DACH1: variants seen among roughly 807,000 people sequenced by gnomAD.
The protein encoded by DACH1 is dachshund homolog 1.
Under a neutral mutation model 54.2 loss-of-function variants are expected in DACH1, and 12 were observed. That is an observed-to-expected ratio of 0.22 (90% CI 0.14 to 0.36). DACH1 has a LOEUF of 0.36. Ranked by LOEUF, DACH1 falls within the 10% of genes least tolerant of loss-of-function variation. The pLI, the probability that DACH1 is intolerant of heterozygous loss-of-function variation, is 1.00. For missense variants in DACH1, 805 were observed against 929.8 expected, an observed-to-expected ratio of 0.87 and a Z score of 1.75; for synonymous variants, 386 against 366.2, an observed-to-expected ratio of 1.05 and a Z score of -0.62.
chr13:71,458,377 A>C (rs1316648623), intron 10 of DACH1, among the ~76,000 whole-genome samples: 1 of 151,960 alleles, frequency 6.6e-6, no homozygotes, highest in Admixed American at 6.6e-5. Context: ...ATAAATCTTC[A>C]TCAATCAGCC....
intron 6 of DACH1, among the ~76,000 whole-genome samples, chr13:71,524,597 T>C (rs1881827306): frequency 6.6e-6 from 1 of 152,130 alleles, no homozygotes; most frequent in Admixed American, 6.6e-5. Context: ...TTAATAAATA[T>C]AGTTTGTAGA....
At chr13:71,524,294 T>C (rs911489564) in intron 6 of DACH1, among the ~76,000 whole-genome samples, 1 of 152,162 alleles carries the variant, frequency 6.6e-6, no homozygotes, top group African/African-American at 2.4e-5. Context: ...TGCTACATTA[T>C]CATGTCAACA....
intron 6 of DACH1, among the ~76,000 whole-genome samples, chr13:71,500,413 T>C (rs1879811118): frequency 6.6e-6 from 1 of 152,176 alleles, no homozygotes; most frequent in Admixed American, 6.5e-5. Context: ...AAAATGAGTG[T>C]CATTGCTATG....
intron 2 of DACH1, among the ~76,000 whole-genome samples, chr13:71,650,738 T>G (rs535221180): frequency 6.6e-6 from 1 of 152,300 alleles, no homozygotes; most frequent in East Asian, 1.9e-4. Flanking sequence ...GGATAAAAGT[T>G]GACAACTACA....
chr13:71,824,435 C>T (rs1229418277), intron 1 of DACH1, among the ~76,000 whole-genome samples: 3 of 151,834 alleles, frequency 2.0e-5, no homozygotes, highest in African/African-American at 7.3e-5. Flanking sequence ...CTGAATGTCA[C>T]ATAAACATGA....
At chr13:71,840,098 C>T (rs111973569) in intron 1 of DACH1, among the ~76,000 whole-genome samples, 62 of 152,158 alleles carry the variant, frequency 4.1e-4, no homozygotes, top group African/African-American at 1.4e-3. Context: ...AGGTGCGCAC[C>T]ACCACACCCA....
chr13:71,476,556 C>T (rs1877536646), intron 8 of DACH1, among the ~76,000 whole-genome samples: 1 of 152,002 alleles, frequency 6.6e-6, no homozygotes, highest in East Asian at 1.9e-4. Flanking sequence ...CTGCAGAAAT[C>T]TGAGGCAGTA....
At chr13:71,789,243 A>C (rs887706145) in intron 1 of DACH1, among the ~76,000 whole-genome samples, 1 of 152,148 alleles carries the variant, frequency 6.6e-6, no homozygotes, top group African/African-American at 2.4e-5. Context: ...AAGAAACTAG[A>C]AGATTTAATA....
intron 1 of DACH1, among the ~76,000 whole-genome samples, chr13:71,825,203 A>G (rs1888333159): frequency 6.6e-6 from 1 of 152,062 alleles, no homozygotes. Flanking sequence ...TAGTCCTCAT[A>G]TTTTACTTAA....
chr13:71,671,664 G>A (rs1023341906), intron 2 of DACH1, among the ~76,000 whole-genome samples: 6 of 152,018 alleles, frequency 3.9e-5, no homozygotes, highest in Non-Finnish European at 5.9e-5. Flanking sequence ...GATGGTTAGC[G>A]AGGGAGAATA....
At chr13:71,852,378 T>TC (rs1035419181) in intron 1 of DACH1, among the ~76,000 whole-genome samples, 5 of 150,756 alleles carry the variant, frequency 3.3e-5, no homozygotes, top group African/African-American at 1.2e-4. Context: ...TTTTTTTTTT[T>TC]CCTAATCAGA....
At chr13:71,631,927 CCT>C (rs1469150729) in intron 2 of DACH1, among the ~76,000 whole-genome samples, 1 of 151,900 alleles carries the variant, frequency 6.6e-6, no homozygotes, top group African/African-American at 2.4e-5. Context: ...GATAAAACCC[CCT>C]CTCTACAAAA....
intron 1 of DACH1, among the ~76,000 whole-genome samples, chr13:71,742,142 G>A (rs139937556): frequency 0.015 from 2,274 of 152,080 alleles, 47 homozygotes; most frequent in East Asian, 0.046. Flanking sequence ...TTCTCTTGCC[G>A]CTGCCATGTA....
chr13:71,783,425 G>A (rs1007433588), intron 1 of DACH1, among the ~76,000 whole-genome samples: 3 of 152,078 alleles, frequency 2.0e-5, no homozygotes, highest in African/African-American at 4.8e-5. Context: ...CAAGATCCCC[G>A]CTTATGTTTT....
intron 6 of DACH1, among the ~76,000 whole-genome samples, chr13:71,549,621 C>A (rs1883679812): frequency 6.6e-6 from 1 of 152,020 alleles, no homozygotes; most frequent in African/African-American, 2.4e-5. Context: ...ATTGAGAAAC[C>A]ACTGAGGTTG....
intron 2 of DACH1, among the ~76,000 whole-genome samples, chr13:71,668,723 G>A (rs375465987): frequency 1.3e-5 from 2 of 151,926 alleles, no homozygotes; most frequent in African/African-American, 4.8e-5. Context: ...TCAAGAGGTC[G>A]AGACCAGCCT....
In DACH1 at chr13:71,866,185, C is replaced by G; in HGVS notation, c.585G>C (p.Gly195=). 1.9e-6 allele frequency: 3 copies of G among 1,612,790 alleles called. No homozygotes were observed. The highest frequency in any genetic ancestry group is 2.5e-6 in the Non-Finnish European group (3 of 1,179,430). ...CCACCGTGAAGGAAGCCACTTTGGC[C>G]CCCCTCAGATCCACCATTTTGCACT... The part of the protein sequence containing the change: ...NNECKMVDLR[G]AKVASFTVEG... Residue 195 remains glycine, a synonymous_variant, in exon 1 of 11, where the codon GGG becomes GGC. Transcript: ENST00000613252.
chr13:71,622,212 C>T, intron 3 of DACH1, among the ~76,000 whole-genome samples: 1 of 151,914 alleles, frequency 6.6e-6, no homozygotes, highest in East Asian at 1.9e-4. Context: ...ATTTGTACAA[C>T]TGAGAGATGA....
intron 1 of DACH1, among the ~76,000 whole-genome samples, chr13:71,802,282 G>A (rs9529915): frequency 0.21 from 31,861 of 151,822 alleles, 4,349 homozygotes; most frequent in Middle Eastern, 0.35. Context: ...AGAAACATGA[G>A]AGAAAAAATA....
Sources: allele counts gnomAD v4.1 joint callset (sites outside exome capture counted in the v4.1 genomes callset), GRCh38; gene constraint gnomAD v4.1.1; transcripts MANE v1.5; gene names NCBI Gene and HGNC (gene_info 2026-07-23, HGNC 2026-07-21).